Variants in DNAAF10 observed in about 807,000 individuals in gnomAD.
DNAAF10 encodes WD repeat domain 92.
DNAAF10 carries 28 observed loss-of-function variants against 43.7 expected under a neutral mutation model. The ratio of observed to expected loss-of-function variants is 0.64; its 90% CI spans 0.48 to 0.88. The LOEUF (loss-of-function observed/expected upper bound fraction) is 0.88, where lower values mean the gene tolerates loss of function less well. Ranked by LOEUF, DNAAF10 falls within the 40% of genes least tolerant of loss-of-function variation. DNAAF10 has a pLI of 0.00. For missense variants in DNAAF10, 403 were observed against 439.1 expected, an observed-to-expected ratio of 0.92 and a Z score of 0.73; for synonymous variants, 156 against 157.3, an observed-to-expected ratio of 0.99 and a Z score of 0.06.
intron 7 of DNAAF10, 90 bp downstream of exon 7, chr2:68,134,612 G>C (rs1033315958): frequency 3.2e-6 from 5 of 1,563,004 alleles, no homozygotes; most frequent in Non-Finnish European, 4.3e-6. Flanking sequence ...CTAAGTCAAA[G>C]CAGGAAAAAA....
chr2:68,157,486 C>G lies in DNAAF10; in HGVS notation c.-43G>C. The stretch of plus-strand genomic sequence containing the variant: ...CTACGGCAACCGCCACACCCAGAGC[C>G]CCCAAAAACGGCAACCTGGAAACCA... On this transcript the variant is annotated 5_prime_UTR_variant, in exon 1 of 8. Coordinates refer to ENST00000295121, the MANE Select transcript of DNAAF10 (RefSeq NM_138458.4). 3.1e-6 allele frequency: 5 copies of G among 1,614,002 alleles called. No individual in the cohort carries two copies. Among genetic ancestry groups the G allele is most frequent in the Non-Finnish European group, 4.2e-6 (5 of 1,179,906 alleles).
chr2:68,148,278 A>G (rs1673371656), intron 1 of DNAAF10, among the ~76,000 whole-genome samples: 1 of 152,192 alleles, frequency 6.6e-6, no homozygotes, highest in South Asian at 2.1e-4. Flanking sequence ...AGGAGACCAA[A>G]GCATAGGGCT....
chr2:68,138,829 A>G lies in DNAAF10; in HGVS notation c.546T>C (p.Val182=). ...CCCCATTGTCATAGCCAGCACAAAC[A>G]ACACGTTCTTCTTGATTATAAGCAT... ...FGNAYNQEER[V]VCAGYDNGDI... Residue 182 remains valine, a synonymous_variant, in exon 5 of 8, where the codon GTT becomes GTC. Coordinates refer to ENST00000295121, the MANE Select transcript of DNAAF10 (RefSeq NM_138458.4). 6.2e-7 allele frequency: 1 copy of G among 1,614,100 alleles called. No individual in the cohort carries two copies. Among genetic ancestry groups the G allele is most frequent in the South Asian group, 1.1e-5 (1 of 91,074 alleles).
At chr2:68,149,195 A>G (rs1047507999) in intron 1 of DNAAF10, among the ~76,000 whole-genome samples, 1 of 152,236 alleles carries the variant, frequency 6.6e-6, no homozygotes, top group African/African-American at 2.4e-5. Context: ...AAGTCACTTA[A>G]CACAAACTAT....
At chr2:68,148,477 C>A (rs1211875373) in intron 1 of DNAAF10, among the ~76,000 whole-genome samples, 1 of 152,180 alleles carries the variant, frequency 6.6e-6, no homozygotes, top group Non-Finnish European at 1.5e-5. Context: ...TACTCCTATG[C>A]CTCCCTGGGT....
At position 68,137,400 on chromosome 2, in the gene DNAAF10, T is replaced by G; in HGVS notation, c.667A>C (p.Ser223Arg). 6.2e-7 allele frequency: 1 copy of G among 1,612,910 alleles called. No homozygotes were observed. Among genetic ancestry groups the G allele is most frequent in the East Asian group, 2.2e-5 (1 of 44,816 alleles). ...CSLEFDRKDI[S>R]MNKLVATSLE... ...GATGTGGCTACTAACTTATTCATAC[T>G]TATGTCTTTTCTGTCAAACTCCAAG... is the stretch of plus-strand genomic sequence containing the variant. Residue 223 changes from serine to arginine, a missense_variant, in exon 6 of 8, where the codon AGT becomes CGT. Transcript: ENST00000295121.
At chr2:68,155,670 G>A (rs1673580454) in intron 1 of DNAAF10, among the ~76,000 whole-genome samples, 1 of 151,942 alleles carries the variant, frequency 6.6e-6, no homozygotes, top group South Asian at 2.1e-4. Flanking sequence ...TCCGGACTGG[G>A]ACAGAGCTAC....
At chr2:68,147,732 T>A (rs1000383294) in intron 1 of DNAAF10, among the ~76,000 whole-genome samples, 165 bp from the exon 2 acceptor site, 1 of 152,260 alleles carries the variant, frequency 6.6e-6, no homozygotes, top group Non-Finnish European at 1.5e-5. Context: ...TTTACTCATT[T>A]TTCTTTAAAA....
rs1386625060 is a variant in DNAAF10, at chr2:68,134,573, C to T, written c.866+129G>A. ...GCTTAGAAAACAAGTTATGTAACAC[C>T]ATGAAATTTTAAATCATATCAAAAT... On this transcript the variant is annotated intron_variant, in intron 7 of 7. Transcript: ENST00000295121. 4.0e-5 allele frequency: 61 copies of T among 1,511,058 alleles called. 1 individual carries two copies. The highest frequency in any genetic ancestry group is 2.9e-5 in the African/African-American group (2 of 69,776). 93.6% of individuals were successfully genotyped at this position (1,511,058 alleles called of 1,614,324 possible).
intron 6 of DNAAF10, among the ~76,000 whole-genome samples, chr2:68,136,792 A>G (rs1011154706): frequency 1.3e-5 from 2 of 152,080 alleles, no homozygotes; most frequent in African/African-American, 2.4e-5. Flanking sequence ...TTTCCCTCTC[A>G]GCTACCTCAA....
chr2:68,150,839 T>C (rs1673440234), intron 1 of DNAAF10, among the ~76,000 whole-genome samples: 1 of 152,370 alleles, frequency 6.6e-6, no homozygotes, highest in South Asian at 2.1e-4. Flanking sequence ...TCTCTATCTA[T>C]TTATCTATCT....
intron 2 of DNAAF10, 38 bp from the exon 3 acceptor site, chr2:68,144,753 A>C: frequency 6.3e-7 from 1 of 1,585,610 alleles, no homozygotes; most frequent in Non-Finnish European, 8.5e-7. Context: ...CACATATCCC[A>C]AACATATAAG....
rs78220301 is a variant in DNAAF10, at chr2:68,144,567, T to G, written c.415+18A>C. The G allele has an allele frequency of 6.2e-7, 1 of 1,608,064 alleles. No homozygotes were observed. On this transcript the variant is annotated intron_variant, in intron 3 of 7. Coordinates refer to ENST00000295121, the MANE Select transcript of DNAAF10 (RefSeq NM_138458.4). ...CATTAAAATAAATAAACAAAATACA[T>G]AGAATACAGGGACTCACCATCTCGG...
In DNAAF10 at chr2:68,157,247, G is replaced by A. The variant is rs370022663; in HGVS notation, c.183+14C>T. On this transcript the variant is annotated intron_variant, in intron 1 of 7. Transcript: ENST00000295121. ...GCCCCCAACGGCAGTCCGGATCCTC[G>A]ACCCGGCACCCACCTCCCGAAGCAG... 1.0e-5 allele frequency: 16 copies of A among 1,606,746 alleles called. No homozygotes were observed. The highest frequency in any genetic ancestry group is 1.2e-5 in the Non-Finnish European group (14 of 1,176,386).
intron 4 of DNAAF10, 147 bp downstream of exon 4, chr2:68,141,547 T>G: frequency 1.5e-6 from 1 of 674,650 alleles, no homozygotes; most frequent in Non-Finnish European, 2.3e-6. Flanking sequence ...CCCCAGAGGC[T>G]GACATTAACC....
At chr2:68,133,291 G>A (rs1672961911) in intron 7 of DNAAF10, among the ~76,000 whole-genome samples, 2 of 152,098 alleles carry the variant, frequency 1.3e-5, no homozygotes, top group South Asian at 4.1e-4. Flanking sequence ...CACCCAGGTT[G>A]GAGTGCAGTG....
At chr2:68,149,132 T>C (rs761315532) in intron 1 of DNAAF10, among the ~76,000 whole-genome samples, 2 of 152,208 alleles carry the variant, frequency 1.3e-5, no homozygotes, top group Non-Finnish European at 2.9e-5. Context: ...CATTTCTATA[T>C]AGGGTATATT....
chr2:68,153,749 T>C (rs868675989), intron 1 of DNAAF10, among the ~76,000 whole-genome samples: 5,054 of 142,158 alleles, frequency 0.036, 257 homozygotes, highest in African/African-American at 0.12. Flanking sequence ...AATGAAGTTT[T>C]TTTTTTTTTT....
At chr2:68,135,506 G>A (rs187669901) in intron 6 of DNAAF10, among the ~76,000 whole-genome samples, 129 of 152,226 alleles carry the variant, frequency 8.5e-4, no homozygotes, top group African/African-American at 3.1e-3. Context: ...AATCCATCCC[G>A]GCGCCACTGC....
Sources: allele counts gnomAD v4.1 joint callset (sites outside exome capture counted in the v4.1 genomes callset), GRCh38; gene constraint gnomAD v4.1.1; transcripts MANE v1.5; gene names NCBI Gene and HGNC (gene_info 2026-07-23, HGNC 2026-07-21).